Variants in EXT1 observed in about 807,000 individuals in gnomAD.
EXT1 encodes exostosin glycosyltransferase 1.
In EXT1, 20 loss-of-function variants were observed where a neutral mutation model predicts 82.5. The observed-to-expected ratio is 0.24, with a 90% confidence interval of 0.17 to 0.35. The LOEUF (loss-of-function observed/expected upper bound fraction) is 0.35. EXT1 is among the 10% of genes least tolerant of loss of function. The pLI is 1.00. For synonymous variants in EXT1, 348 were observed against 350.8 expected (o/e 0.99, Z 0.09); for missense variants, 757 against 936.5 (o/e 0.81, Z 2.50).
intron 1 of EXT1, among the ~76,000 whole-genome samples, chr8:117,967,881 G>A (rs576219361): frequency 1.3e-4 from 20 of 152,260 alleles, no homozygotes; most frequent in African/African-American, 4.8e-4. Context: ...TAAAACAAAC[G>A]AGTCTAAAGA....
At chr8:118,095,386 C>T (rs192704463) in intron 1 of EXT1, among the ~76,000 whole-genome samples, 143 of 152,248 alleles carry the variant, frequency 9.4e-4, no homozygotes, top group African/African-American at 3.3e-3. Flanking sequence ...ACTCTATAAT[C>T]TAAATACAAA....
At chr8:117,898,140 C>A (rs1025078995) in intron 1 of EXT1, among the ~76,000 whole-genome samples, 2 of 152,216 alleles carry the variant, frequency 1.3e-5, no homozygotes, top group Non-Finnish European at 2.9e-5. Context: ...TTCCTGTTGT[C>A]TCCCATGGAC....
chr8:118,015,787 A>G (rs1229094867), intron 1 of EXT1, among the ~76,000 whole-genome samples: 1 of 152,238 alleles, frequency 6.6e-6, no homozygotes, highest in Admixed American at 6.5e-5. Flanking sequence ...CTGTCACCCC[A>G]GCCTGGAGTG....
At chr8:117,964,689 G>A (rs1187712240) in intron 1 of EXT1, among the ~76,000 whole-genome samples, 3 of 152,124 alleles carry the variant, frequency 2.0e-5, no homozygotes, top group African/African-American at 7.2e-5. Context: ...GGCGGCTGGA[G>A]TGTAGTGGCA....
chr8:117,981,810 G>A (rs1815210113), intron 1 of EXT1, among the ~76,000 whole-genome samples: 2 of 152,054 alleles, frequency 1.3e-5, no homozygotes, highest in South Asian at 2.1e-4. Context: ...TCTGGGAGGC[G>A]GAGGTTGCGG....
At position 117,929,645 on chromosome 8, in the gene EXT1, A is replaced by T. The variant is rs538253370; in HGVS notation, c.963-92444T>A. On this transcript the variant is annotated intron_variant, in intron 1 of 10. Transcript: ENST00000378204. ...TTCCCCATTACTGCTTCTATTAGGG[A>T]CATAGGGGATGAGACTGAAGGAGTA... Among the ~76,000 whole-genome samples, 7 of 152,316 alleles carry T rather than the reference A, an allele frequency of 4.6e-5. 1 individual carries two copies. In the South Asian group the frequency reaches 1.0e-3, roughly 23 times the overall value.
chr8:117,876,402 A>G (rs947561328), intron 1 of EXT1, among the ~76,000 whole-genome samples: 7 of 152,214 alleles, frequency 4.6e-5, no homozygotes, highest in African/African-American at 1.7e-4. Flanking sequence ...GAAACACCCA[A>G]ATTTATTTTA....
intron 1 of EXT1, among the ~76,000 whole-genome samples, chr8:117,969,004 A>T (rs974856566): frequency 6.6e-6 from 1 of 152,248 alleles, no homozygotes; most frequent in Admixed American, 6.5e-5. Flanking sequence ...AAAGAAGGAA[A>T]ATGCGAAAAG....
chr8:118,032,574 G>T (rs1272558423), intron 1 of EXT1, among the ~76,000 whole-genome samples: 2 of 151,060 alleles, frequency 1.3e-5, no homozygotes, highest in Non-Finnish European at 2.9e-5. Context: ...GCAATGGCAG[G>T]ATCTCGGCTG....
Position 118,038,264 on chromosome 8 carries a change from C to T in EXT1, c.962+71821G>A, listed in dbSNP as rs558687820. On this transcript the variant is annotated intron_variant, in intron 1 of 10. Coordinates refer to ENST00000378204, the MANE Select transcript of EXT1 (RefSeq NM_000127.3). ...CACAAAATATATGAAAAGGCAAAAA[C>T]GTTGAACAGTGGGTAAATGACTAAA... Among the ~76,000 whole-genome samples the T allele has an allele frequency of 5.4e-4, 83 of 152,300 alleles. 1 individual carries two copies. The highest frequency in any genetic ancestry group is 1.9e-3 in the African/African-American group (78 of 41,562).
At chr8:118,110,005 C>A (rs2130040630) in intron 1 of EXT1, 80 bp downstream of exon 1, 3 of 1,607,598 alleles carry the variant, frequency 1.9e-6, no homozygotes, top group Non-Finnish European at 2.5e-6. Flanking sequence ...GCCCTCACCC[C>A]ATCCCCCAAC....
chr8:117,979,639 T>C (rs985780553), intron 1 of EXT1, among the ~76,000 whole-genome samples: 1 of 152,086 alleles, frequency 6.6e-6, no homozygotes, highest in African/African-American at 2.4e-5. Flanking sequence ...CCCTCCACAT[T>C]TTAGTAACTA....
chr8:117,950,728 T>C (rs1462644023), intron 1 of EXT1, among the ~76,000 whole-genome samples: 4 of 152,188 alleles, frequency 2.6e-5, no homozygotes, highest in Non-Finnish European at 5.9e-5. Context: ...AATAGGTATA[T>C]TGGACCATTA....
At chr8:118,097,369 C>T (rs914968734) in intron 1 of EXT1, among the ~76,000 whole-genome samples, 1 of 152,128 alleles carries the variant, frequency 6.6e-6, no homozygotes, top group Admixed American at 6.6e-5. Flanking sequence ...ATTGCTTGAA[C>T]CTGGGAGGTA....
chr8:117,989,612 C>T (rs1401980273), intron 1 of EXT1, among the ~76,000 whole-genome samples: 1 of 152,160 alleles, frequency 6.6e-6, no homozygotes, highest in Non-Finnish European at 1.5e-5. Flanking sequence ...CCTTTGCAAA[C>T]GGCCAAGTCA....
At chr8:118,095,638 T>C (rs77575513) in intron 1 of EXT1, among the ~76,000 whole-genome samples, 1,568 of 152,344 alleles carry the variant, frequency 0.01, 21 homozygotes, top group African/African-American at 0.017. Context: ...TTCCCTCTGA[T>C]TGAATTTTCA....
intron 1 of EXT1, among the ~76,000 whole-genome samples, chr8:117,976,001 A>G (rs1815057920): frequency 6.6e-6 from 1 of 152,232 alleles, no homozygotes; most frequent in Admixed American, 6.5e-5. Context: ...TGAGCTACGG[A>G]AGTGAGCCAG....
At chr8:117,993,977 C>T (rs1279939716) in intron 1 of EXT1, among the ~76,000 whole-genome samples, 1 of 152,148 alleles carries the variant, frequency 6.6e-6, no homozygotes, top group Admixed American at 6.5e-5. Flanking sequence ...AGAGATGACT[C>T]AAATTAAGAT....
At chr8:117,931,540 G>C (rs1814062270) in intron 1 of EXT1, among the ~76,000 whole-genome samples, 1 of 151,580 alleles carries the variant, frequency 6.6e-6, no homozygotes, top group Non-Finnish European at 1.5e-5. Context: ...ATAAGAGAGG[G>C]GGAAGCCAGA....
Sources: allele counts gnomAD v4.1 joint callset (sites outside exome capture counted in the v4.1 genomes callset), GRCh38; gene constraint gnomAD v4.1.1; transcripts MANE v1.5; gene names NCBI Gene and HGNC (gene_info 2026-07-23, HGNC 2026-07-21).